ZNF627: variants seen among roughly 807,000 people sequenced by gnomAD.
ZNF627 encodes the protein zinc finger protein 627.
ZNF627 carries 12 observed loss-of-function variants against 10.6 expected under a neutral mutation model. The observed-to-expected ratio is 1.13, with a 90% confidence interval of 0.73 to 1.84. The LOEUF (loss-of-function observed/expected upper bound fraction) is 1.84, where lower values mean the gene tolerates loss of function less well. ZNF627 is among the 40% of genes most tolerant of loss of function. The probability of loss-of-function intolerance (pLI) is 0.00; values close to 1 mark genes in which losing one functional copy is unlikely to be tolerated. For synonymous variants in ZNF627, 176 were observed against 187.1 expected (o/e 0.94, Z 0.48); for missense variants, 504 against 568.4 (o/e 0.89, Z 1.15).
intron 1 of ZNF627, among the ~76,000 whole-genome samples, chr19:11,611,099 C>T (rs1046694507): frequency 4.6e-5 from 7 of 152,118 alleles, no homozygotes; most frequent in African/African-American, 1.4e-4. Flanking sequence ...GTGATCTGTC[C>T]GCCATGGCCT....
chr19:11,612,688 T>A (rs1973793201), intron 1 of ZNF627, among the ~76,000 whole-genome samples: 1 of 152,068 alleles, frequency 6.6e-6, no homozygotes, highest in Non-Finnish European at 1.5e-5. Context: ...CTCAAAGTGC[T>A]GAGATTACAG....
chr19:11,602,380 A>G (rs1372431343), intron 1 of ZNF627, among the ~76,000 whole-genome samples: 1 of 152,246 alleles, frequency 6.6e-6, no homozygotes, highest in Non-Finnish European at 1.5e-5. Flanking sequence ...GTAAAAAAGC[A>G]GTGTCATCTA....
chr19:11,607,012 A>G (rs1339301068), intron 1 of ZNF627, among the ~76,000 whole-genome samples: 1 of 152,188 alleles, frequency 6.6e-6, no homozygotes, highest in Non-Finnish European at 1.5e-5. Context: ...AGGGGCTGCC[A>G]TGAAGGTCTG....
intron 1 of ZNF627, among the ~76,000 whole-genome samples, chr19:11,611,011 CCTGA>C (rs1973763947): frequency 6.6e-6 from 1 of 152,002 alleles, no homozygotes; most frequent in African/African-American, 2.4e-5. Flanking sequence ...TGCCACCACA[CCTGA>C]CTAATTTTTG....
chr19:11,615,970 C>T (rs557702344), intron 3 of ZNF627, among the ~76,000 whole-genome samples: 10 of 150,006 alleles, frequency 6.7e-5, no homozygotes, highest in Non-Finnish European at 1.3e-4. Flanking sequence ...CCACCTGCCT[C>T]AGCCTCCGAA....
intron 1 of ZNF627, among the ~76,000 whole-genome samples, chr19:11,598,666 C>T (rs991630506): frequency 2.0e-5 from 3 of 152,164 alleles, no homozygotes; most frequent in Non-Finnish European, 4.4e-5. Flanking sequence ...ACTCCAGTCA[C>T]GACATTATCA....
At chr19:11,614,210 G>A (rs969763769) in intron 1 of ZNF627, among the ~76,000 whole-genome samples, 9 of 152,118 alleles carry the variant, frequency 5.9e-5, no homozygotes, top group Non-Finnish European at 8.8e-5. Context: ...GTGAGCCACC[G>A]CGCCCAGCCA....
intron 1 of ZNF627, among the ~76,000 whole-genome samples, chr19:11,609,663 G>A (rs1026142149): frequency 6.6e-5 from 10 of 151,066 alleles, no homozygotes; most frequent in South Asian, 2.1e-4. Context: ...GATTACAGGC[G>A]CCTGCCACCA....
chr19:11,617,554 C>A lies in ZNF627; in HGVS notation c.1051C>A (p.Arg351=), dbSNP rs764121504. The part of the protein sequence containing the change: ...GKAFDFPSSF[R]IHERTHTGEK... ...AGCCTTTGATTTCCCCAGTTCATTT[C>A]GAATCCATGAAAGGACCCACACTGG... Residue 351 remains arginine (R), a synonymous_variant, in exon 4 of 4, where the codon CGA becomes AGA. Transcript: ENST00000361113. The A allele has an allele frequency of 1.9e-6, 3 of 1,612,162 alleles. No individual in the cohort carries two copies. Among genetic ancestry groups the A allele is most frequent in the African/African-American group, 2.7e-5 (2 of 74,440 alleles).
intron 1 of ZNF627, among the ~76,000 whole-genome samples, chr19:11,602,082 G>A (rs1008738159): frequency 6.6e-6 from 1 of 151,732 alleles, no homozygotes; most frequent in Non-Finnish European, 1.5e-5. Flanking sequence ...TTGTAGGGAG[G>A]AGCAAATGAT....
At position 11,609,823 on chromosome 19, in the gene ZNF627, T is replaced by G. The variant is rs144760362; in HGVS notation, c.4-4704T>G. On this transcript the variant is annotated intron_variant, in intron 1 of 3. Coordinates refer to ENST00000361113, the MANE Select transcript of ZNF627 (RefSeq NM_145295.4). ...GTGAGCCACCGCGCCTGTAATTTTT[T>G]GTTGATATTATTGCATGCATCCTTT... Among the ~76,000 whole-genome samples, 400 of 152,088 alleles carry G rather than the reference T, an allele frequency of 2.6e-3. 2 individuals are homozygous for G. The highest frequency in any genetic ancestry group is 9.1e-3 in the African/African-American group (378 of 41,544).
At position 11,616,758 on chromosome 19, in the gene ZNF627, G is replaced by A. The variant is rs371963584; in HGVS notation, c.255G>A (p.Gln85=). The change falls in exon 4 of 4, where the codon CAG becomes CAA. Residue 85 remains glutamine (Q), a synonymous_variant. Transcript: ENST00000361113. ...EGGQGEETFS[Q]IPDGILNKKT... ...GTCAAGGTGAAGAAACCTTCAGCCA[G>A]ATTCCAGATGGTATTCTGAACAAGA... 5.0e-6 allele frequency: 8 copies of A among 1,613,222 alleles called. No homozygotes were observed. Among genetic ancestry groups the A allele is most frequent in the Non-Finnish European group, 5.9e-6 (7 of 1,179,486 alleles).
rs1256342189 is a variant in ZNF627 at position 11,612,197 on chromosome 19, TGCAA to T, written c.4-2327_4-2324del. Among the ~76,000 whole-genome samples, 5 of 144,612 alleles carry T rather than the reference TGCAA, an allele frequency of 3.5e-5. No homozygotes were observed. The East Asian group carries it at 1.1e-3, about 32-fold the overall frequency. The allele number at this position is 144,612 out of a possible 152,430, so 94.9% of individuals were successfully genotyped here. Reference sequence around the variant, plus strand: ...GTGCAGTGGTGCGATCTCAGCTCACTGCAAGCTCCACCTCCCGGGTTCACGCCAT... The same window carrying T: ...GTGCAGTGGTGCGATCTCAGCTCACTGCTCCACCTCCCGGGTTCACGCCAT... On this transcript the variant is annotated intron_variant, in intron 1 of 3. Coordinates refer to ENST00000361113, the MANE Select transcript of ZNF627 (RefSeq NM_145295.4).
chr19:11,611,857 C>A (rs560412698), intron 1 of ZNF627, among the ~76,000 whole-genome samples: 3 of 152,186 alleles, frequency 2.0e-5, no homozygotes, highest in Non-Finnish European at 4.4e-5. Flanking sequence ...TGTGAGTCTC[C>A]TGTTTTGGGG....
At chr19:11,602,760 G>T (rs11671741) in intron 1 of ZNF627, among the ~76,000 whole-genome samples, 38,356 of 152,062 alleles carry the variant, frequency 0.25, 4,856 homozygotes, top group Admixed American at 0.3. Flanking sequence ...GTCAGAAATG[G>T]TATATGAAAA....
In ZNF627 at chr19:11,604,739, GTTTA is replaced by G. The variant is rs1345360207; in HGVS notation, c.3+7112_3+7115del. Among the ~76,000 whole-genome samples, 3 of 152,184 alleles carry G rather than the reference GTTTA, an allele frequency of 2.0e-5. No homozygotes were observed. In the East Asian group the frequency reaches 5.8e-4, roughly 29 times the overall value. Reference sequence around the variant, plus strand: ...AACTTGTTAAGAATGTCAAGGAAAAGTTTATTAAGCACAATTGCAGTGAGTCATG... The same window carrying G: ...AACTTGTTAAGAATGTCAAGGAAAAGTTAAGCACAATTGCAGTGAGTCATG... On this transcript the variant is annotated intron_variant, in intron 1 of 3. Transcript: ENST00000361113.
chr19:11,609,767 C>G (rs934119070), intron 1 of ZNF627, among the ~76,000 whole-genome samples: 28 of 151,942 alleles, frequency 1.8e-4, no homozygotes, highest in Non-Finnish European at 3.7e-4. Flanking sequence ...ATCCGCCCAC[C>G]TTGGCCTCCC....
chr19:11,615,502 G>A (rs1042437334), intron 3 of ZNF627, among the ~76,000 whole-genome samples: 6 of 148,480 alleles, frequency 4.0e-5, no homozygotes, highest in Non-Finnish European at 8.9e-5. Flanking sequence ...TACTCGGGAG[G>A]CTGAGACAGG....
chr19:11,612,101 A>C (rs1389294551), intron 1 of ZNF627, among the ~76,000 whole-genome samples: 1 of 147,068 alleles, frequency 6.8e-6, no homozygotes, highest in African/African-American at 2.5e-5. Flanking sequence ...TTTGTATGTA[A>C]GTTAAGGGTC....
Sources: allele counts gnomAD v4.1 joint callset (sites outside exome capture counted in the v4.1 genomes callset), GRCh38; gene constraint gnomAD v4.1.1; transcripts MANE v1.5; gene names NCBI Gene and HGNC (gene_info 2026-07-23, HGNC 2026-07-21).